ANGEL2: variants seen among roughly 807,000 people sequenced by gnomAD.
ANGEL2 encodes RNA 2',3'-cyclic phosphatase ANGEL2.
A neutral mutation model predicts 66.0 loss-of-function variants in ANGEL2; 41 were observed. That is an observed-to-expected ratio of 0.62 (90% CI 0.48 to 0.81). ANGEL2 has a LOEUF of 0.81. Ranked by LOEUF, ANGEL2 falls within the 30% of genes least tolerant of loss-of-function variation. The pLI is 0.00. For synonymous variants in ANGEL2, 208 were observed against 226.5 expected (o/e 0.92, Z 0.73); for missense variants, 561 against 641.6 (o/e 0.87, Z 1.36).
At chr1:212,995,646 A>T in intron 8 of ANGEL2, among the ~76,000 whole-genome samples, 1 of 152,340 alleles carries the variant, frequency 6.6e-6, no homozygotes, top group South Asian at 2.1e-4. Context: ...CTCTTTTTGA[A>T]ATGCTGATCC....
intron 5 of ANGEL2, among the ~76,000 whole-genome samples, chr1:213,004,651 C>T (rs955099698): frequency 2.6e-5 from 4 of 151,860 alleles, no homozygotes; most frequent in African/African-American, 7.3e-5. Flanking sequence ...AGGTGGATCA[C>T]GACGTAAGGA....
intron 5 of ANGEL2, chr1:213,001,379 T>C (rs946934369): frequency 1.3e-4 from 20 of 155,906 alleles, no homozygotes; most frequent in Middle Eastern, 3.2e-3. Flanking sequence ...AAGTGTGCAA[T>C]AGCATTATGC....
chr1:212,998,716 C>T (rs770011037), intron 7 of ANGEL2, among the ~76,000 whole-genome samples: 65 of 151,038 alleles, frequency 4.3e-4, no homozygotes, highest in Non-Finnish European at 7.8e-4. Flanking sequence ...TTAGTAGAGA[C>T]GCGGTTTCAC....
intron 5 of ANGEL2, among the ~76,000 whole-genome samples, chr1:213,003,275 C>T (rs190009018): frequency 4.7e-4 from 71 of 152,314 alleles, no homozygotes; most frequent in Admixed American, 7.2e-4. Flanking sequence ...TCTTATTATG[C>T]CTTCATACAC....
intron 5 of ANGEL2, chr1:213,001,255 C>T (rs117918677): frequency 0.015 from 3,515 of 237,030 alleles, 272 homozygotes; most frequent in Admixed American, 0.15. Flanking sequence ...ACAGGTACTG[C>T]GGGTTTGGTT....
chr1:213,006,151 T>C (rs1472888650), intron 4 of ANGEL2, among the ~76,000 whole-genome samples: 1 of 152,036 alleles, frequency 6.6e-6, no homozygotes, highest in Admixed American at 6.6e-5. Flanking sequence ...CGGTATATAG[T>C]AGGCACTCAA....
chr1:212,999,368 C>T (rs555770538), intron 7 of ANGEL2, among the ~76,000 whole-genome samples: 3 of 152,196 alleles, frequency 2.0e-5, no homozygotes, highest in East Asian at 1.9e-4. Flanking sequence ...TTACTCAAAA[C>T]GAAGTACTTG....
chr1:212,997,401 AT>A (rs2076055805), intron 7 of ANGEL2, 83 bp from the exon 8 acceptor site: 1 of 1,233,572 alleles, frequency 8.1e-7, no homozygotes, highest in African/African-American at 1.5e-5. Context: ...TTTTCACTTA[AT>A]TTCTAGACTA....
rs1426199811 is a variant in ANGEL2 at position 212,992,413 on chromosome 1, T to G, written c.*2628A>C. 2 of 152,244 alleles carry G rather than the reference T, an allele frequency of 1.3e-5. No individual in the cohort carries two copies. Among genetic ancestry groups the G allele is most frequent in the Non-Finnish European group, 2.9e-5 (2 of 68,042 alleles). The allele number at this position is 152,244 out of a possible 1,614,324, so 9.4% of individuals were successfully genotyped here. The stretch of plus-strand genomic sequence containing the variant: ...AATTTCATTACTCCACAGTTTACCT[T>G]TCCATTTAAAACTTGGATAGTATAA... On this transcript the variant is annotated 3_prime_UTR_variant, in exon 9 of 9. Coordinates refer to ENST00000366962, the MANE Select transcript of ANGEL2 (RefSeq NM_144567.5).
intron 5 of ANGEL2, among the ~76,000 whole-genome samples, chr1:213,004,274 T>C (rs1216746286): frequency 6.6e-6 from 1 of 152,112 alleles, no homozygotes; most frequent in African/African-American, 2.4e-5. Context: ...GTAAATATAC[T>C]GAAGATGAAA....
chr1:213,009,263 G>A (rs912885677), intron 2 of ANGEL2, among the ~76,000 whole-genome samples: 12 of 152,302 alleles, frequency 7.9e-5, no homozygotes, highest in Admixed American at 1.3e-4. Context: ...AGAAATAACC[G>A]TGTGTGTGAT....
chr1:213,005,111 A>C lies in ANGEL2; in HGVS notation c.1056T>G (p.Phe352Leu), dbSNP rs1379953984. ...ATAGTGGAGAACCAGGAACAGAATT[A>C]AAGTCACCACACATAACAATAGGGC... ...SFCPIVMCGDFNSVPGSPLYS... is the reference protein window; with the variant it reads ...SFCPIVMCGDLNSVPGSPLYS... The change falls in exon 5 of 9, where the codon TTT becomes TTG. Residue 352 changes from phenylalanine to leucine, a missense_variant. Transcript: ENST00000366962. 1.2e-6 allele frequency: 2 copies of C among 1,613,666 alleles called. No homozygotes were observed. Among genetic ancestry groups the C allele is most frequent in the East Asian group, 2.2e-5 (1 of 44,898 alleles).
rs2075879938 is a variant in ANGEL2 at position 212,992,310 on chromosome 1, A to C, written c.*2731T>G. The C allele has an allele frequency of 2.0e-5, 3 of 152,248 alleles. No homozygotes were observed. Among genetic ancestry groups the C allele is most frequent in the Admixed American group, 1.3e-4 (2 of 15,292 alleles). The allele number at this position is 152,248 out of a possible 1,614,324, so 9.4% of individuals were successfully genotyped here. A position where few individuals can be genotyped will look rare whatever the true frequency, so the allele number is the denominator to read the frequency against. On this transcript the variant is annotated 3_prime_UTR_variant, in exon 9 of 9. Coordinates refer to ENST00000366962, the MANE Select transcript of ANGEL2 (RefSeq NM_144567.5). ...TTAGGAAAGCAAAGGTTAAAAGCAG[A>C]CAGTAACTAAATTCCAAATAAAGAC...
chr1:212,997,780 TTATTA>T lies in ANGEL2; in HGVS notation c.1320-467_1320-463del, dbSNP rs570440362. Among the ~76,000 whole-genome samples, 8 of 152,352 alleles carry T rather than the reference TTATTA, an allele frequency of 5.3e-5. No individual in the cohort carries two copies. In the South Asian group the frequency reaches 1.7e-3, roughly 32 times the overall value. On this transcript the variant is annotated intron_variant, in intron 7 of 8. Coordinates refer to ENST00000366962, the MANE Select transcript of ANGEL2 (RefSeq NM_144567.5). The stretch of plus-strand genomic sequence containing the variant: ...ATCTTAAAACAGCTTCTCTAATGGT[TTATTA>T]TATTTGCCCCATGCACAAATATATG...
intron 1 of ANGEL2, 82 bp from the exon 2 acceptor site, chr1:213,013,500 G>T: frequency 5.5e-6 from 7 of 1,264,712 alleles, no homozygotes; most frequent in Non-Finnish European, 7.7e-6. Flanking sequence ...TTCCTCAAGG[G>T]AAGGTAATGT....
chr1:212,994,967 A>G lies in ANGEL2; in HGVS notation c.*74T>C. 2 of 1,386,162 alleles carry G rather than the reference A, an allele frequency of 1.4e-6. No homozygotes were observed. The highest frequency in any genetic ancestry group is 2.9e-5 in the African/African-American group (2 of 68,362). 85.9% of individuals were successfully genotyped at this position (1,386,162 alleles called of 1,614,324 possible). A position where few individuals can be genotyped will look rare whatever the true frequency, so the allele number is the denominator to read the frequency against. ...CACAGTGCAAAAATAAACAACATGCATACACTTAAGAACTTTACATTCTTT... is the reference window on the plus strand; with the variant it reads ...CACAGTGCAAAAATAAACAACATGCGTACACTTAAGAACTTTACATTCTTT... On this transcript the variant is annotated 3_prime_UTR_variant, in exon 9 of 9. Transcript: ENST00000366962.
In ANGEL2 at chr1:212,996,622, CCAAA is replaced by C. The variant is rs1170391070; in HGVS notation, c.1483+529_1483+532del. On this transcript the variant is annotated intron_variant, in intron 8 of 8. Transcript: ENST00000366962. The stretch of plus-strand genomic sequence containing the variant: ...TGGGTAACAGAGCGAGACTCTGTAT[CCAAA>C]AAAAAAAAAAAAAAATATATATATA... 2.4e-3 allele frequency among the ~76,000 whole-genome samples: 55 copies of C among 22,712 alleles called. 4 individuals are homozygous for C. Among genetic ancestry groups the C allele is most frequent in the Admixed American group, 6.5e-3 (8 of 1,230 alleles). The allele number at this position is 22,712 out of a possible 152,430, so 14.9% of individuals were successfully genotyped here. A position where few individuals can be genotyped will look rare whatever the true frequency, so the allele number is the denominator to read the frequency against.
At chr1:213,009,128 C>T (rs1181195646) in intron 2 of ANGEL2, among the ~76,000 whole-genome samples, 1 of 152,152 alleles carries the variant, frequency 6.6e-6, no homozygotes, top group Non-Finnish European at 1.5e-5. Context: ...GATGGCTAAC[C>T]AACAAACCTA....
chr1:212,996,645 A>ATATATC (rs2076028774), intron 8 of ANGEL2, among the ~76,000 whole-genome samples: 1 of 84,892 alleles, frequency 1.2e-5, no homozygotes, highest in South Asian at 4.5e-4. Flanking sequence ...AAAAAAATAT[A>ATATATC]TATATATATA....
Sources: allele counts gnomAD v4.1 joint callset (sites outside exome capture counted in the v4.1 genomes callset), GRCh38; gene constraint gnomAD v4.1.1; transcripts MANE v1.5; gene names NCBI Gene and HGNC (gene_info 2026-07-23, HGNC 2026-07-21).